PACRG: variants seen among roughly 807,000 people sequenced by gnomAD.
The protein encoded by PACRG is parkin coregulated gene protein.
Under a neutral mutation model 29.7 loss-of-function variants are expected in PACRG, and 29 were observed. The observed-to-expected ratio is 0.98, with a 90% CI of 0.73 to 1.33. The LOEUF (loss-of-function observed/expected upper bound fraction) is 1.33. Among genes scored for constraint, PACRG ranks in the 40% most tolerant of loss-of-function variants. The pLI, the probability that PACRG is intolerant of heterozygous loss-of-function variation, is 0.00. For synonymous variants in PACRG, 116 were observed against 118.7 expected (o/e 0.98, Z 0.15); for missense variants, 279 against 316.2 (o/e 0.88, Z 0.89).
chr6:163,154,152 G>A (rs1441157117), intron 4 of PACRG, among the ~76,000 whole-genome samples: 1 of 152,200 alleles, frequency 6.6e-6, no homozygotes, highest in African/African-American at 2.4e-5. Flanking sequence ...TGCCCTTAAC[G>A]GCCAGCCCTG....
intron 1 of PACRG, among the ~76,000 whole-genome samples, chr6:162,742,164 A>G (rs1228443590): frequency 1.1e-4 from 17 of 152,078 alleles, no homozygotes; most frequent in Non-Finnish European, 4.4e-5. Flanking sequence ...CCTCACCCGA[A>G]TCTCATCTTG....
intron 4 of PACRG, among the ~76,000 whole-genome samples, chr6:163,137,392 C>T (rs139440880): frequency 3.4e-4 from 51 of 152,222 alleles, no homozygotes; most frequent in African/African-American, 1.2e-3. Flanking sequence ...CAGTCCTCGG[C>T]ATCGTTTTAT....
At chr6:162,844,437 C>A (rs1238576045) in intron 2 of PACRG, among the ~76,000 whole-genome samples, 1 of 152,234 alleles carries the variant, frequency 6.6e-6, no homozygotes, top group Non-Finnish European at 1.5e-5. Flanking sequence ...TGAGGCAATG[C>A]CTCGCCCTGC....
intron 2 of PACRG, among the ~76,000 whole-genome samples, chr6:162,830,190 A>G (rs1255029186): frequency 6.6e-6 from 1 of 152,100 alleles, no homozygotes; most frequent in Admixed American, 6.6e-5. Context: ...CAGTTTGGGG[A>G]ATCGGGGATT....
At chr6:162,999,032 C>A (rs1222236407) in intron 2 of PACRG, among the ~76,000 whole-genome samples, 1 of 152,016 alleles carries the variant, frequency 6.6e-6, no homozygotes, top group Non-Finnish European at 1.5e-5. Flanking sequence ...GTTTCTCACA[C>A]CTGAATAGGA....
At chr6:163,221,354 CGGGCAAAGGCA>C (rs920166590) in intron 4 of PACRG, among the ~76,000 whole-genome samples, 11 of 152,196 alleles carry the variant, frequency 7.2e-5, no homozygotes, top group African/African-American at 2.7e-4. Context: ...CTCTTCCGTG[CGGGCAAAGGCA>C]GTGAGAAGAA....
intron 4 of PACRG, among the ~76,000 whole-genome samples, chr6:163,199,680 G>A (rs1306355819): frequency 6.6e-6 from 1 of 152,146 alleles, no homozygotes; most frequent in Non-Finnish European, 1.5e-5. Context: ...GATAGAGAAT[G>A]GCCAGACTGA....
At chr6:163,185,984 G>A (rs546281769) in intron 4 of PACRG, among the ~76,000 whole-genome samples, 13 of 152,222 alleles carry the variant, frequency 8.5e-5, no homozygotes, top group African/African-American at 2.4e-4. Flanking sequence ...GGGGGAGGGC[G>A]TGCCCCCTCC....
At chr6:162,775,693 G>A (rs539366836) in intron 1 of PACRG, among the ~76,000 whole-genome samples, 1 of 152,272 alleles carries the variant, frequency 6.6e-6, no homozygotes. Flanking sequence ...GTTCAGTGAT[G>A]TTTTATCTTC....
At chr6:162,799,496 C>T (rs745980125) in intron 1 of PACRG, among the ~76,000 whole-genome samples, 42 of 152,194 alleles carry the variant, frequency 2.8e-4, no homozygotes, top group Admixed American at 4.6e-4. Flanking sequence ...ATATATATTT[C>T]GTACATTTCT....
chr6:163,287,475 G>A (rs1450675281), intron 4 of PACRG, among the ~76,000 whole-genome samples: 4 of 152,138 alleles, frequency 2.6e-5, no homozygotes, highest in African/African-American at 4.8e-5. Context: ...CTCCTCCTGC[G>A]GAGGCTGCCC....
chr6:162,958,864 TATATATATATATATATATATAGAGAG>T (rs1401592795), intron 2 of PACRG, among the ~76,000 whole-genome samples: 3 of 67,310 alleles, frequency 4.5e-5, no homozygotes, highest in Admixed American at 2.0e-4. Flanking sequence ...TATATATATA[TATATATATATATATATATATAGAGAG>T]AGAGAGAGAG....
chr6:162,845,461 G>T (rs976572684), intron 2 of PACRG, among the ~76,000 whole-genome samples: 4 of 150,812 alleles, frequency 2.7e-5, no homozygotes, highest in African/African-American at 9.7e-5. Context: ...ATTAAAACTC[G>T]TGTTTACTGG....
intron 2 of PACRG, among the ~76,000 whole-genome samples, chr6:162,976,229 A>G (rs1562796048): frequency 6.6e-6 from 1 of 152,184 alleles, no homozygotes; most frequent in East Asian, 1.9e-4. Flanking sequence ...CTTAAATTGT[A>G]AGTTTGAGAT....
At chr6:163,290,274 GCGCGCACACACACACA>G (rs1784549010) in intron 4 of PACRG, among the ~76,000 whole-genome samples, 3 of 86,964 alleles carry the variant, frequency 3.4e-5, no homozygotes, top group African/African-American at 1.4e-4. Flanking sequence ...GCACGCGCGC[GCGCGCACACACACACA>G]CACACACACA....
At chr6:162,895,102 C>G (rs577421207) in intron 2 of PACRG, among the ~76,000 whole-genome samples, 6 of 145,418 alleles carry the variant, frequency 4.1e-5, no homozygotes, top group African/African-American at 9.9e-5. Context: ...TCTCTACCCC[C>G]CCGCCCCCAA....
At chr6:163,138,543 A>G (rs1817029259) in intron 4 of PACRG, among the ~76,000 whole-genome samples, 1 of 152,224 alleles carries the variant, frequency 6.6e-6, no homozygotes, top group African/African-American at 2.4e-5. Flanking sequence ...TCTCATAAGG[A>G]GCAAGAAACC....
chr6:163,253,707 C>A (rs1415699701), intron 4 of PACRG, among the ~76,000 whole-genome samples: 1 of 152,168 alleles, frequency 6.6e-6, no homozygotes, highest in Non-Finnish European at 1.5e-5. Context: ...GTTATCAGGA[C>A]CAGAGTAATA....
At chr6:162,803,726 T>C (rs1273060888) in intron 1 of PACRG, among the ~76,000 whole-genome samples, 1 of 152,184 alleles carries the variant, frequency 6.6e-6, no homozygotes, top group Non-Finnish European at 1.5e-5. Flanking sequence ...GCATATTGTA[T>C]TTATACAAAA....
Sources: gnomAD v4.1 joint callset for allele counts (sites outside exome capture counted in the v4.1 genomes callset) on GRCh38, gnomAD v4.1.1 for gene constraint, MANE v1.5 for transcripts, NCBI Gene and HGNC (gene_info 2026-07-23, HGNC 2026-07-21) for gene names.